The following CDH4 variants were observed in gnomAD, a reference collection of about 807,000 sequenced individuals.
CDH4 encodes the protein cadherin 4, also known as cadherin-4.
CDH4 carries 33 observed loss-of-function variants against 86.0 expected under a neutral mutation model. That is an observed-to-expected ratio of 0.38 (90% CI 0.29 to 0.51). CDH4 has a LOEUF of 0.51. Among genes scored for constraint, CDH4 ranks in the 20% least tolerant of loss-of-function variants. The probability of loss-of-function intolerance (pLI) is 0.86; values close to 1 mark genes in which losing one functional copy is unlikely to be tolerated. For synonymous variants in CDH4, 555 were observed against 549.4 expected (o/e 1.01, Z -0.14); for missense variants, 1,114 against 1,307.4 (o/e 0.85, Z 2.28).
rs563660541 is a variant in CDH4, at chr20:61,656,516, A to G, written c.170-87047A>G. Among the ~76,000 whole-genome samples the G allele has an allele frequency of 1.5e-4, 23 of 152,196 alleles. No individual in the cohort carries two copies. In the East Asian group the frequency reaches 4.3e-3, roughly 28 times the overall value. On this transcript the variant is annotated intron_variant, in intron 2 of 15. Coordinates refer to ENST00000614565, the MANE Select transcript of CDH4 (RefSeq NM_001794.5). ...TGCTGGGAAGGACAGGTGCATGGCC[A>G]GTGTGGTCAGGTGTGTGGCTGTTGT...
intron 2 of CDH4, among the ~76,000 whole-genome samples, chr20:61,275,978 G>A (rs983220821): frequency 2.6e-5 from 4 of 152,152 alleles, no homozygotes; most frequent in African/African-American, 4.8e-5. Context: ...AAGGCTGGCC[G>A]CCTGGCACAT....
chr20:61,398,416 T>C (rs923124821), intron 2 of CDH4, among the ~76,000 whole-genome samples: 1 of 152,182 alleles, frequency 6.6e-6, no homozygotes, highest in Non-Finnish European at 1.5e-5. Context: ...AGCAGAATCA[T>C]CGGATGTGTA....
chr20:61,563,660 C>T (rs1281326332), intron 2 of CDH4, among the ~76,000 whole-genome samples: 3 of 152,206 alleles, frequency 2.0e-5, no homozygotes, highest in African/African-American at 7.2e-5. Context: ...CTCGCTAGGC[C>T]ACCCTGCTCC....
At chr20:61,756,494 C>T (rs1015794318) in intron 3 of CDH4, among the ~76,000 whole-genome samples, 2 of 151,690 alleles carry the variant, frequency 1.3e-5, no homozygotes, top group Non-Finnish European at 2.9e-5. Flanking sequence ...GGTCCATATC[C>T]CCTATCCCCC....
intron 6 of CDH4, 110 bp from the exon 7 acceptor site, chr20:61,873,618 A>T: frequency 8.5e-7 from 1 of 1,179,364 alleles, no homozygotes; most frequent in Non-Finnish European, 1.2e-6. Context: ...GGGTTCCGCT[A>T]CGCCAGACTC....
At chr20:61,256,632 T>C (rs2084099436) in intron 2 of CDH4, among the ~76,000 whole-genome samples, 1 of 152,200 alleles carries the variant, frequency 6.6e-6, no homozygotes, top group African/African-American at 2.4e-5. Flanking sequence ...AAGAGTCACA[T>C]GCCCCTGGGT....
chr20:61,374,883 A>G (rs1364422633), intron 2 of CDH4, among the ~76,000 whole-genome samples: 1 of 152,230 alleles, frequency 6.6e-6, no homozygotes, highest in Non-Finnish European at 1.5e-5. Flanking sequence ...CTGCATCTGC[A>G]TTATACAGCT....
chr20:61,311,865 G>A (rs1268030537), intron 2 of CDH4, among the ~76,000 whole-genome samples: 1 of 152,296 alleles, frequency 6.6e-6, no homozygotes, highest in Admixed American at 6.5e-5. Flanking sequence ...GGGGCGGCCA[G>A]TGCATGGCAC....
intron 2 of CDH4, among the ~76,000 whole-genome samples, chr20:61,635,763 C>T (rs2086940178): frequency 6.6e-6 from 1 of 152,312 alleles, no homozygotes; most frequent in South Asian, 2.1e-4. Context: ...TCTGCCTGAG[C>T]GCTAGGGCTG....
intron 4 of CDH4, among the ~76,000 whole-genome samples, chr20:61,843,099 G>A (rs572375639): frequency 3.1e-4 from 47 of 152,118 alleles, no homozygotes; most frequent in Non-Finnish European, 2.8e-4. Flanking sequence ...GGCCGAATGC[G>A]GTAGTTCACA....
chr20:61,312,201 G>A (rs2084449737), intron 2 of CDH4, among the ~76,000 whole-genome samples: 1 of 149,802 alleles, frequency 6.7e-6, no homozygotes, highest in Non-Finnish European at 1.5e-5. Context: ...ATTTTGTGAT[G>A]TGTGCATATG....
rs1465783211 is a variant in CDH4 at position 61,517,620 on chromosome 20, G to A, written c.170-225943G>A. Among the ~76,000 whole-genome samples, 1 of 152,184 alleles carries A rather than the reference G, an allele frequency of 6.6e-6. No homozygotes were observed. The highest frequency in any genetic ancestry group is 1.5e-5 in the Non-Finnish European group (1 of 68,030). On this transcript the variant is annotated intron_variant, in intron 2 of 15. Coordinates refer to ENST00000614565, the MANE Select transcript of CDH4 (RefSeq NM_001794.5). The surrounding 1 kb of genome is among the most constrained non-coding windows in gnomAD (Gnocchi z 6.6). ...ACCTTGGAACTTGGCGGGTGGCTGA[G>A]CCCCTTGAGCTGCAAAGTGAGGAGA...
chr20:61,922,397 G>A (rs773580093), intron 9 of CDH4, among the ~76,000 whole-genome samples: 19 of 152,282 alleles, frequency 1.2e-4, no homozygotes, highest in Non-Finnish European at 2.8e-4. Context: ...TAGCTCTAGC[G>A]TTTATCAGCC....
At chr20:61,665,241 C>T (rs1045025747) in intron 2 of CDH4, among the ~76,000 whole-genome samples, 9 of 152,252 alleles carry the variant, frequency 5.9e-5, no homozygotes, top group Non-Finnish European at 1.2e-4. Flanking sequence ...GGGCTGGGGG[C>T]GGCCTTGGCC....
chr20:61,821,727 T>C (rs1981054325), intron 4 of CDH4, among the ~76,000 whole-genome samples: 1 of 152,266 alleles, frequency 6.6e-6, no homozygotes, highest in African/African-American at 2.4e-5. Context: ...AGGAAGGTTT[T>C]CCTCTCCTGG....
chr20:61,918,204 T>C (rs1776232), intron 9 of CDH4, among the ~76,000 whole-genome samples: 145,662 of 152,328 alleles, frequency 0.96, 69,684 homozygotes, highest in East Asian at 1. Context: ...AAGGCCAGAC[T>C]TGGGGGTACC....
chr20:61,600,559 G>A (rs547206972), intron 2 of CDH4, among the ~76,000 whole-genome samples: 3 of 152,304 alleles, frequency 2.0e-5, no homozygotes, highest in East Asian at 1.9e-4. Context: ...CTCACCCTGC[G>A]CAGTGCCTCA....
intron 2 of CDH4, among the ~76,000 whole-genome samples, chr20:61,302,493 G>T (rs920519270): frequency 5.3e-5 from 8 of 151,654 alleles, no homozygotes; most frequent in African/African-American, 1.5e-4. Context: ...GGTTGGGGGG[G>T]GTCTGTTGTC....
chr20:61,572,115 G>T (rs1293459399), intron 2 of CDH4, among the ~76,000 whole-genome samples: 1 of 152,114 alleles, frequency 6.6e-6, no homozygotes, highest in East Asian at 1.9e-4. Flanking sequence ...CCTCCAGAAT[G>T]CAGGCTTCAC....
Sources: allele counts gnomAD v4.1 joint callset (sites outside exome capture counted in the v4.1 genomes callset), GRCh38; gene constraint gnomAD v4.1.1; non-coding constraint Gnocchi (gnomAD v3.1); transcripts MANE v1.5; gene names NCBI Gene and HGNC (gene_info 2026-07-23, HGNC 2026-07-21).